The following PHLDB2 variants were observed in gnomAD, a reference collection of about 807,000 sequenced individuals.
PHLDB2 encodes pleckstrin homology like domain family B member 2.
In PHLDB2, 71 loss-of-function variants were observed where a neutral mutation model predicts 123.6. The ratio of observed to expected loss-of-function variants is 0.57; its 90% CI spans 0.47 to 0.70. The LOEUF is 0.70. Ranked by LOEUF, PHLDB2 falls within the 30% of genes least tolerant of loss-of-function variation. PHLDB2 has a pLI of 0.00. For missense variants in PHLDB2, 1,446 were observed against 1,519.5 expected, an observed-to-expected ratio of 0.95 and a Z score of 0.80; for synonymous variants, 547 against 541.6, an observed-to-expected ratio of 1.01 and a Z score of -0.14.
At chr3:111,862,665 T>A (rs534628968) in intron 1 of PHLDB2, among the ~76,000 whole-genome samples, 1 of 152,278 alleles carries the variant, frequency 6.6e-6, no homozygotes, top group Non-Finnish European at 1.5e-5. Flanking sequence ...CTTGTTTAAC[T>A]GTGTTAAACA....
At chr3:111,755,100 G>C (rs1219657944) in intron 1 of PHLDB2, among the ~76,000 whole-genome samples, 2 of 150,922 alleles carry the variant, frequency 1.3e-5, no homozygotes, top group East Asian at 2.0e-4. Context: ...AAGGATATTG[G>C]TCTAAAATTC....
intron 1 of PHLDB2, among the ~76,000 whole-genome samples, chr3:111,879,688 G>GT (rs1359876094): frequency 4.7e-5 from 7 of 147,556 alleles, no homozygotes; most frequent in Non-Finnish European, 1.0e-4. Context: ...CTCTAAAAAT[G>GT]TTTTTTTATG....
At position 111,976,109 on chromosome 3, in the gene PHLDB2, G is replaced by A. The variant is rs1248300554; in HGVS notation, c.*1546G>A. On this transcript the variant is annotated 3_prime_UTR_variant, in exon 18 of 18. Coordinates refer to ENST00000431670, the MANE Select transcript of PHLDB2 (RefSeq NM_001134438.2). ...AAATATAATTGCTAAGATTTTGTTG[G>A]TTAATGTAAAGATATGACTTTTCTG... The A allele has an allele frequency of 6.6e-6, 1 of 152,630 alleles. No individual in the cohort carries two copies. Among genetic ancestry groups the A allele is most frequent in the Non-Finnish European group, 1.5e-5 (1 of 68,030 alleles). The allele number at this position is 152,630 out of a possible 1,614,324, so 9.5% of individuals were successfully genotyped here. A position where few individuals can be genotyped will look rare whatever the true frequency, so the allele number is the denominator to read the frequency against.
intron 1 of PHLDB2, among the ~76,000 whole-genome samples, chr3:111,834,561 CTG>C (rs1024121955): frequency 2.6e-5 from 4 of 151,582 alleles, no homozygotes; most frequent in African/African-American, 4.8e-5. Context: ...TTTCTCAACA[CTG>C]TGTTATCACA....
intron 13 of PHLDB2, among the ~76,000 whole-genome samples, chr3:111,962,861 G>A (rs753806431): frequency 6.6e-6 from 1 of 150,986 alleles, no homozygotes; most frequent in Non-Finnish European, 1.5e-5. Context: ...CCCGGGAGGC[G>A]GAGGTTACAG....
At chr3:111,889,905 G>T (rs1286438358) in intron 2 of PHLDB2, among the ~76,000 whole-genome samples, 3 of 151,978 alleles carry the variant, frequency 2.0e-5, no homozygotes, top group African/African-American at 7.3e-5. Flanking sequence ...TCCCCACCCT[G>T]CCCCCAGGTA....
At position 111,974,405 on chromosome 3, in the gene PHLDB2, TC is replaced by T; in HGVS notation, c.3622-16del. 1 of 1,572,956 alleles carries T rather than the reference TC, an allele frequency of 6.4e-7. No individual in the cohort carries two copies. On this transcript the variant is annotated splice_polypyrimidine_tract_variant and intron_variant, in intron 17 of 17. Transcript: ENST00000431670. ...TAAGATGTTTATTTTACATTCTTTTTCCTTTTTTGAATTTTAGAGTCCTAAT... is the reference window on the plus strand; with the variant it reads ...TAAGATGTTTATTTTACATTCTTTTTCTTTTTTGAATTTTAGAGTCCTAAT...
chr3:111,936,550 G>A (rs1159315282), intron 6 of PHLDB2, among the ~76,000 whole-genome samples: 1 of 152,136 alleles, frequency 6.6e-6, no homozygotes. Flanking sequence ...TATGTCAGTG[G>A]AGTCTGAGTG....
intron 1 of PHLDB2, among the ~76,000 whole-genome samples, chr3:111,818,706 C>T (rs902011703): frequency 6.6e-6 from 1 of 152,094 alleles, no homozygotes; most frequent in Non-Finnish European, 1.5e-5. Flanking sequence ...AATTTCAGCT[C>T]TCTTATGCCA....
intron 1 of PHLDB2, among the ~76,000 whole-genome samples, chr3:111,814,059 C>T (rs1286336622): frequency 1.3e-5 from 2 of 152,214 alleles, no homozygotes; most frequent in Non-Finnish European, 2.9e-5. Context: ...TACCCAATTG[C>T]AGCTGAGCTG....
chr3:111,949,659 A>G (rs952690911), intron 10 of PHLDB2: 4 of 904,914 alleles, frequency 4.4e-6, no homozygotes, highest in Middle Eastern at 1.1e-3. Context: ...TTATTCTTTC[A>G]TTTCATGTGG....
At chr3:111,871,128 C>T (rs1202307791) in intron 1 of PHLDB2, among the ~76,000 whole-genome samples, 2 of 152,144 alleles carry the variant, frequency 1.3e-5, no homozygotes, top group African/African-American at 4.8e-5. Flanking sequence ...GTCAGTCCCT[C>T]TTCGATTAAT....
At chr3:111,895,797 C>T (rs1016330682) in intron 2 of PHLDB2, among the ~76,000 whole-genome samples, 19 of 151,766 alleles carry the variant, frequency 1.3e-4, no homozygotes, top group African/African-American at 4.4e-4. Context: ...TGCAGTGAGC[C>T]GAGATCGAGC....
rs2070706847 is a variant in PHLDB2, at chr3:111,951,372, A to G, written c.2632-1200A>G. ...TTTAATGAGATAACGTATATAAACCATCATACCTGGCACATAGCTCTTAAT... is the reference window on the plus strand; with the variant it reads ...TTTAATGAGATAACGTATATAAACCGTCATACCTGGCACATAGCTCTTAAT... On this transcript the variant is annotated intron_variant, in intron 10 of 17. Coordinates refer to ENST00000431670, the MANE Select transcript of PHLDB2 (RefSeq NM_001134438.2). Among the ~76,000 whole-genome samples the G allele has an allele frequency of 2.0e-5, 3 of 152,226 alleles. 1 individual carries two copies. Among genetic ancestry groups the G allele is most frequent in the Admixed American group, 2.0e-4 (3 of 15,288 alleles).
At chr3:111,919,958 T>G (rs903467249) in intron 4 of PHLDB2, among the ~76,000 whole-genome samples, 1 of 152,226 alleles carries the variant, frequency 6.6e-6, no homozygotes, top group Non-Finnish European at 1.5e-5. Context: ...AAGACGTGGC[T>G]GCTCCCATGG....
At chr3:111,885,494 A>T in intron 2 of PHLDB2, 82 bp downstream of exon 2, 1 of 1,528,922 alleles carries the variant, frequency 6.5e-7, no homozygotes, top group Non-Finnish European at 9.0e-7. Context: ...GGACTCCAGG[A>T]TATGTGGGAA....
chr3:111,945,884 T>C (rs2070268410), intron 9 of PHLDB2, among the ~76,000 whole-genome samples: 1 of 152,130 alleles, frequency 6.6e-6, no homozygotes, highest in Admixed American at 6.6e-5. Flanking sequence ...TACAGTAAAC[T>C]GTACATACTC....
intron 1 of PHLDB2, among the ~76,000 whole-genome samples, chr3:111,759,305 T>C (rs1296248295): frequency 6.6e-6 from 1 of 152,190 alleles, no homozygotes; most frequent in African/African-American, 2.4e-5. Flanking sequence ...AGATGGTGCC[T>C]TCTCACTGTG....
intron 1 of PHLDB2, among the ~76,000 whole-genome samples, chr3:111,860,224 A>G (rs1384705871): frequency 1.3e-5 from 2 of 152,110 alleles, no homozygotes; most frequent in Non-Finnish European, 2.9e-5. Context: ...TGGATGGTGT[A>G]GGGCGCGGGA....
Sources: gnomAD v4.1 joint callset for allele counts (sites outside exome capture counted in the v4.1 genomes callset) on GRCh38, gnomAD v4.1.1 for gene constraint, MANE v1.5 for transcripts, NCBI Gene and HGNC (gene_info 2026-07-23, HGNC 2026-07-21) for gene names.